Variants in SCMH1 observed in about 807,000 individuals in gnomAD.
SCMH1 encodes the protein polycomb protein SCMH1.
Under a neutral mutation model 70.8 loss-of-function variants are expected in SCMH1, and 37 were observed. That is an observed-to-expected ratio of 0.52 (90% CI 0.40 to 0.69). SCMH1 has a LOEUF of 0.69. Ranked by LOEUF, SCMH1 falls within the 30% of genes least tolerant of loss-of-function variation. The pLI is 0.00. For synonymous variants in SCMH1, 292 were observed against 307.4 expected, an observed-to-expected ratio of 0.95 and a Z score of 0.52; for missense variants, 607 against 827.3, an observed-to-expected ratio of 0.73 and a Z score of 3.27.
intron 10 of SCMH1, among the ~76,000 whole-genome samples, chr1:41,058,118 C>CAAAAAAAA (rs201623540): frequency 1.8e-5 from 1 of 54,868 alleles, no homozygotes; most frequent in African/African-American, 6.9e-5. Flanking sequence ...GAGATTGTCT[C>CAAAAAAAA]AAAAAAAAAA....
chr1:41,225,206 T>C (rs770774467), intron 1 of SCMH1, among the ~76,000 whole-genome samples: 3 of 152,204 alleles, frequency 2.0e-5, no homozygotes, highest in Non-Finnish European at 2.9e-5. Context: ...TTAATGCAAG[T>C]TCACACGAGA....
chr1:41,123,907 TTG>T (rs1672540012), intron 6 of SCMH1, among the ~76,000 whole-genome samples: 1 of 152,212 alleles, frequency 6.6e-6, no homozygotes, highest in Non-Finnish European at 1.5e-5. Flanking sequence ...TATAGACCAG[TTG>T]TGTCAGTATC....
chr1:41,159,385 T>C (rs1167399162), intron 4 of SCMH1, among the ~76,000 whole-genome samples: 1 of 152,234 alleles, frequency 6.6e-6, no homozygotes, highest in Non-Finnish European at 1.5e-5. Context: ...GTTATTATCA[T>C]TCATATTAGC....
At chr1:41,179,418 T>C (rs553313881) in intron 2 of SCMH1, among the ~76,000 whole-genome samples, 1 of 152,124 alleles carries the variant, frequency 6.6e-6, no homozygotes, top group Non-Finnish European at 1.5e-5. Context: ...AAAAAATCAA[T>C]GAATCCAGGA....
intron 5 of SCMH1, among the ~76,000 whole-genome samples, chr1:41,150,480 G>A (rs1033624661): frequency 6.6e-6 from 1 of 152,150 alleles, no homozygotes; most frequent in African/African-American, 2.4e-5. Context: ...TCCAGCCTGG[G>A]TGACAGAGCG....
chr1:41,046,724 C>T (rs1007064307), intron 11 of SCMH1, 126 bp from the exon 12 acceptor site: 52 of 722,348 alleles, frequency 7.2e-5, no homozygotes, highest in Admixed American at 1.7e-4. Context: ...CAGTGCCCCA[C>T]GTTTCCTCCC....
chr1:41,028,138 C>T, exon 15 of SCMH1: 5 of 1,608,754 alleles, frequency 3.1e-6, no homozygotes, highest in Non-Finnish European at 4.2e-6. Flanking sequence ...GCCCCTCATT[C>T]CTAGAAGAAT....
chr1:41,051,296 T>C (rs189629464), intron 10 of SCMH1, among the ~76,000 whole-genome samples: 4 of 152,288 alleles, frequency 2.6e-5, no homozygotes, highest in Admixed American at 6.5e-5. Flanking sequence ...TAAAATAATA[T>C]AGCATATAGG....
At chr1:41,106,223 G>A (rs540991525) in intron 8 of SCMH1, among the ~76,000 whole-genome samples, 7 of 151,876 alleles carry the variant, frequency 4.6e-5, no homozygotes, top group African/African-American at 1.2e-4. Context: ...CAAATCTCAC[G>A]TCAAACTGTA....
chr1:41,028,128 G>A (rs1643992085), exon 15 of SCMH1: 2 of 1,600,352 alleles, frequency 1.2e-6, no homozygotes, highest in African/African-American at 1.3e-5. Context: ...GTGGGCTGAT[G>A]CCCCTCATTC....
Position 41,226,025 on chromosome 1 carries a change from G to C in SCMH1, c.-118+16034C>G, listed in dbSNP as rs114507662. Among the ~76,000 whole-genome samples the C allele has an allele frequency of 7.0e-4, 107 of 152,292 alleles. 1 individual carries two copies. Among genetic ancestry groups the C allele is most frequent in the South Asian group, 2.9e-3 (14 of 4,828 alleles). On this transcript the variant is annotated intron_variant, in intron 1 of 14. Transcript: ENST00000337495. Reference sequence around the variant, plus strand: ...TGGTATCCCTGCACAGAAACCTTAAGTGGTGCTACTATTCAATGTGTGGTC... The same window carrying C: ...TGGTATCCCTGCACAGAAACCTTAACTGGTGCTACTATTCAATGTGTGGTC...
At chr1:41,061,266 T>G (rs1163019954) in intron 10 of SCMH1, among the ~76,000 whole-genome samples, 1 of 152,142 alleles carries the variant, frequency 6.6e-6, no homozygotes, top group African/African-American at 2.4e-5. Flanking sequence ...TCTGCTAAGG[T>G]GTAAATGTAA....
Position 41,124,314 on chromosome 1 carries a change from A to G in SCMH1, c.413-7304T>C, listed in dbSNP as rs116765947. Among the ~76,000 whole-genome samples, 1,015 of 152,288 alleles carry G rather than the reference A, an allele frequency of 6.7e-3. 2 individuals are homozygous for G. The highest frequency in any genetic ancestry group is 0.011 in the Non-Finnish European group (761 of 68,012). ...ACAAAATTGCAGTATTATCACACTC[A>G]GGAAATTTAATTAAAAATATTCTCA... is the stretch of plus-strand genomic sequence containing the variant. On this transcript the variant is annotated intron_variant, in intron 6 of 14. Coordinates refer to ENST00000337495, the Ensembl canonical transcript of SCMH1.
intron 1 of SCMH1, among the ~76,000 whole-genome samples, chr1:41,238,019 T>C (rs1209820489): frequency 1.3e-5 from 2 of 152,228 alleles, no homozygotes; most frequent in Non-Finnish European, 2.9e-5. Flanking sequence ...CATGTAATAT[T>C]TGTGATATCC....
At chr1:41,065,501 C>A (rs1318904402) in intron 10 of SCMH1, among the ~76,000 whole-genome samples, 1 of 152,178 alleles carries the variant, frequency 6.6e-6, no homozygotes, top group Admixed American at 6.5e-5. Flanking sequence ...TGAATCTAAA[C>A]TTTATATGAA....
chr1:41,151,519 G>C, intron 5 of SCMH1, 95 bp downstream of exon 5: 1 of 900,388 alleles, frequency 1.1e-6, no homozygotes, highest in South Asian at 1.9e-5. Flanking sequence ...CCTCAGGTAA[G>C]AAGCCCAAGG....
intron 1 of SCMH1, among the ~76,000 whole-genome samples, chr1:41,210,429 G>A (rs1236814080): frequency 1.3e-5 from 2 of 152,166 alleles, no homozygotes; most frequent in East Asian, 3.8e-4. Context: ...GAACAAAGCT[G>A]GAGGCATCAC....
intron 5 of SCMH1, among the ~76,000 whole-genome samples, chr1:41,149,157 TTC>T (rs1212771876): frequency 6.6e-6 from 1 of 152,142 alleles, no homozygotes; most frequent in Non-Finnish European, 1.5e-5. Flanking sequence ...CCCCCATCAC[TTC>T]TCTCCTCTGG....
At chr1:41,218,619 T>C (rs1247411525) in intron 1 of SCMH1, among the ~76,000 whole-genome samples, 1 of 152,192 alleles carries the variant, frequency 6.6e-6, no homozygotes, top group African/African-American at 2.4e-5. Flanking sequence ...AGCCAACTAA[T>C]TTGTGGTACT....
Sources: gnomAD v4.1 joint callset for allele counts (sites outside exome capture counted in the v4.1 genomes callset) on GRCh38, gnomAD v4.1.1 for gene constraint, MANE v1.5 for transcripts, NCBI Gene and HGNC (gene_info 2026-07-23, HGNC 2026-07-21) for gene names.